Variants in PCDHGB1 observed in about 807,000 individuals in gnomAD.
The protein encoded by PCDHGB1 is protocadherin gamma subfamily B, 1.
In PCDHGB1, 34 loss-of-function variants were observed where a neutral mutation model predicts 56.6. The observed-to-expected ratio is 0.60, with a 90% CI of 0.46 to 0.80. The LOEUF (loss-of-function observed/expected upper bound fraction) is 0.80. Ranked by LOEUF, PCDHGB1 falls within the 30% of genes least tolerant of loss-of-function variation. The pLI is 0.00. For synonymous variants in PCDHGB1, 561 were observed against 505.9 expected, an observed-to-expected ratio of 1.11 and a Z score of -1.46; for missense variants, 1,278 against 1,204.6, an observed-to-expected ratio of 1.06 and a Z score of -0.90.
intron 1 of PCDHGB1, among the ~76,000 whole-genome samples, chr5:141,435,619 T>A (rs2097772280): frequency 6.6e-6 from 1 of 152,190 alleles, no homozygotes; most frequent in Non-Finnish European, 1.5e-5. Context: ...AAATTCCCCA[T>A]AACTTTTACA....
chr5:141,361,286 G>A (rs1761959082), intron 1 of PCDHGB1: 2 of 1,613,878 alleles, frequency 1.2e-6, no homozygotes, highest in South Asian at 2.2e-5. Context: ...GAAGTTTACT[G>A]CCAAGTGTTG....
rs182282975 is a variant in PCDHGB1 at position 141,420,903 on chromosome 5, A to G, written c.2409+68234A>G. The G allele has an allele frequency of 1.7e-5, 5 of 296,804 alleles. No individual in the cohort carries two copies. In the Admixed American group the frequency reaches 1.8e-4, roughly 11 times the overall value. The allele number at this position is 296,804 out of a possible 1,614,324, so 18.4% of individuals were successfully genotyped here. On this transcript the variant is annotated intron_variant, in intron 1 of 3. Transcript: ENST00000523390. ...TGTATCATCGTTTTTAAGCTCTACA[A>G]ATACGTGTGATTCACAAAGGTGAGC...
chr5:141,430,255 T>TC (rs11167746), intron 1 of PCDHGB1, among the ~76,000 whole-genome samples: 81,857 of 151,872 alleles, frequency 0.54, 24,107 homozygotes, highest in African/African-American at 0.79. Flanking sequence ...GGGAGACATC[T>TC]CCATAATAGG....
intron 1 of PCDHGB1, among the ~76,000 whole-genome samples, chr5:141,454,065 G>A (rs1167102666): frequency 1.3e-5 from 2 of 152,204 alleles, no homozygotes; most frequent in Non-Finnish European, 2.9e-5. Flanking sequence ...AGAAACAAAA[G>A]TGATAATGTT....
Position 141,485,342 on chromosome 5 carries a change from G to C in PCDHGB1, c.2410-9465G>C. 1.2e-6 allele frequency: 2 copies of C among 1,614,164 alleles called. No individual in the cohort carries two copies. Among genetic ancestry groups the C allele is most frequent in the Non-Finnish European group, 1.7e-6 (2 of 1,180,026 alleles). On this transcript the variant is annotated intron_variant, in intron 1 of 3. Coordinates refer to ENST00000523390, the MANE Select transcript of PCDHGB1 (RefSeq NM_018922.3). The surrounding 1 kb of genome is among the most constrained non-coding windows in gnomAD (Gnocchi z 5.7). The stretch of plus-strand genomic sequence containing the variant: ...CGCTCAAGATTTCCTGCTGGATACG[G>C]ACAGTCTGTCAGCTCGCAGGCTGCA...
intron 1 of PCDHGB1, among the ~76,000 whole-genome samples, chr5:141,464,888 GCCACCATGT>G (rs1351812446): frequency 6.6e-6 from 1 of 152,000 alleles, no homozygotes; most frequent in East Asian, 1.9e-4. Context: ...ACAGATGGAT[GCCACCATGT>G]CCAGCTAATT....
Position 141,350,811 on chromosome 5 carries a change from A to T in PCDHGB1, c.551A>T (p.Asp184Val), listed in dbSNP as rs1446037957. 6.2e-7 allele frequency: 1 copy of T among 1,613,902 alleles called. No homozygotes were observed. Among genetic ancestry groups the T allele is most frequent in the Non-Finnish European group, 8.5e-7 (1 of 1,179,886 alleles). Residue 184 changes from aspartate to valine, a missense_variant, in exon 1 of 4, where the codon GAT becomes GTT. Physicochemically the swap from Asp to Val is radical, Grantham distance 152 (BLOSUM62 -3). Coordinates refer to ENST00000523390, the MANE Select transcript of PCDHGB1 (RefSeq NM_018922.3). ...TCTCTGTCAACGAAGGAAAGTCCTG[A>T]TGGAAGTAAATATCCGGTATTACTG... ...YFSLSTKESP[D>V]GSKYPVLLLE...
intron 1 of PCDHGB1, chr5:141,390,007 C>G (rs778827419): frequency 1.9e-6 from 3 of 1,614,058 alleles, no homozygotes; most frequent in South Asian, 2.2e-5. Context: ...ATGATTCTGG[C>G]CATTGCCTTG....
intron 1 of PCDHGB1, chr5:141,387,801 C>A: frequency 6.6e-7 from 1 of 1,509,314 alleles, no homozygotes; most frequent in Non-Finnish European, 8.9e-7. Flanking sequence ...AAAGTCCGTT[C>A]GGAGATCCAA....
intron 1 of PCDHGB1, chr5:141,399,034 C>T: frequency 6.2e-7 from 1 of 1,613,796 alleles, no homozygotes; most frequent in Non-Finnish European, 8.5e-7. Context: ...TCAAAAGAAA[C>T]TGGATTTTGA....
At chr5:141,408,303 G>A in intron 1 of PCDHGB1, 3 of 1,613,794 alleles carry the variant, frequency 1.9e-6, no homozygotes, top group Non-Finnish European at 2.5e-6. Flanking sequence ...GAGCCGATCC[G>A]CTACTCGATT....
At chr5:141,360,429 G>A (rs1283628345) in intron 1 of PCDHGB1, 2 of 1,614,004 alleles carry the variant, frequency 1.2e-6, no homozygotes, top group Non-Finnish European at 8.5e-7. Flanking sequence ...TATGCGGGAA[G>A]CAGCCTCTGT....
intron 1 of PCDHGB1, chr5:141,399,620 C>T: frequency 6.2e-7 from 1 of 1,613,940 alleles, no homozygotes; most frequent in Non-Finnish European, 8.5e-7. Flanking sequence ...CTGGCACTGG[C>T]CTCTTACGTG....
chr5:141,377,101 A>G (rs6895700), intron 1 of PCDHGB1: 15,808 of 152,272 alleles, frequency 0.1, 1,337 homozygotes, highest in African/African-American at 0.24. Flanking sequence ...CTTTTATATC[A>G]AAAGAATGTT....
At chr5:141,376,447 C>G (rs777597745) in intron 1 of PCDHGB1, 2 of 1,614,182 alleles carry the variant, frequency 1.2e-6, no homozygotes, top group Non-Finnish European at 1.7e-6. Flanking sequence ...ATGAGAAAAG[C>G]GAGCCTCTTC....
rs201540226 is a variant in PCDHGB1, at chr5:141,399,196, G to T, written c.2409+46527G>T. On this transcript the variant is annotated intron_variant, in intron 1 of 3. Coordinates refer to ENST00000523390, the MANE Select transcript of PCDHGB1 (RefSeq NM_018922.3). ...ACTTGAAATGATTCTGGAAAACGCG[G>T]TGCCTGGAACACTAATTGCTTTGAT... The T allele has an allele frequency of 4.2e-5, 67 of 1,613,820 alleles. 1 individual carries two copies. In the African/African-American group the frequency reaches 5.7e-4, roughly 14 times the overall value.
intron 2 of PCDHGB1, among the ~76,000 whole-genome samples, chr5:141,495,644 A>G (rs767670166): frequency 5.3e-5 from 8 of 151,770 alleles, no homozygotes; most frequent in Non-Finnish European, 1.0e-4. Context: ...TCATTTGTCT[A>G]CTTGCATTGA....
intron 1 of PCDHGB1, chr5:141,414,180 A>T: frequency 6.2e-7 from 1 of 1,608,986 alleles, no homozygotes; most frequent in Non-Finnish European, 8.5e-7. Context: ...TTGCAACTGC[A>T]AAAGTGTTGA....
At chr5:141,355,743 C>A (rs750434737) in intron 1 of PCDHGB1, 2 of 1,613,960 alleles carry the variant, frequency 1.2e-6, no homozygotes, top group East Asian at 2.2e-5. Flanking sequence ...TTTCCCTGGA[C>A]GTGCAAAGTG....
Sources: gnomAD v4.1 joint callset for allele counts (sites outside exome capture counted in the v4.1 genomes callset) on GRCh38, gnomAD v4.1.1 for gene constraint, Gnocchi (gnomAD v3.1) non-coding constraint, MANE v1.5 for transcripts, NCBI Gene and HGNC (gene_info 2026-07-23, HGNC 2026-07-21) for gene names.